The following POLR2B variants were observed in gnomAD, a reference collection of about 807,000 sequenced individuals.
The protein encoded by POLR2B is DNA-directed RNA polymerase II subunit RPB2.
POLR2B carries 57 observed loss-of-function variants against 144.6 expected under a neutral mutation model. The ratio of observed to expected loss-of-function variants is 0.39; its 90% CI spans 0.32 to 0.49. POLR2B has a LOEUF of 0.49. POLR2B is among the 20% of genes least tolerant of loss of function. The pLI is 0.83. For synonymous variants in POLR2B, 442 were observed against 469.8 expected (o/e 0.94, Z 0.77); for missense variants, 595 against 1,467.4 (o/e 0.41, Z 9.71).
At chr4:57,012,392 G>A (rs972147704) in intron 13 of POLR2B, among the ~76,000 whole-genome samples, 9 of 145,398 alleles carry the variant, frequency 6.2e-5, no homozygotes, top group African/African-American at 1.0e-4. Flanking sequence ...GTGACAGAGT[G>A]AGACTCTGTC....
chr4:57,025,808 C>T (rs906999112), intron 23 of POLR2B, among the ~76,000 whole-genome samples: 3 of 152,062 alleles, frequency 2.0e-5, no homozygotes, highest in Non-Finnish European at 4.4e-5. Flanking sequence ...GAACTGGGCA[C>T]AAGCAATCCT....
At position 56,980,382 on chromosome 4, in the gene POLR2B, C is replaced by T. The variant is rs184725449; in HGVS notation, c.19+1378C>T. ...AAGATTTTTAAAGCATAATTTTTGGCTGGGTAATATATTCTCATAGCTCAC... is the reference window on the plus strand; with the variant it reads ...AAGATTTTTAAAGCATAATTTTTGGTTGGGTAATATATTCTCATAGCTCAC... On this transcript the variant is annotated intron_variant, in intron 1 of 24. Coordinates refer to ENST00000314595, the MANE Select transcript of POLR2B (RefSeq NM_000938.3). 2.5e-3 allele frequency among the ~76,000 whole-genome samples: 379 copies of T among 152,084 alleles called. 1 individual carries two copies. Among genetic ancestry groups the T allele is most frequent in the African/African-American group, 8.8e-3 (364 of 41,472 alleles).
chr4:56,991,768 G>T (rs1722514066), intron 3 of POLR2B, among the ~76,000 whole-genome samples: 2 of 152,150 alleles, frequency 1.3e-5, no homozygotes, highest in South Asian at 4.1e-4. Context: ...TTTATTCTTG[G>T]GTCATTTTTT....
Position 57,024,135 on chromosome 4 carries a change from A to G in POLR2B, c.2964+23A>G, listed in dbSNP as rs376059459. 6 of 1,226,774 alleles carry G rather than the reference A, an allele frequency of 4.9e-6. No individual in the cohort carries two copies. The African/African-American group carries it at 7.5e-5, about 15-fold the overall frequency. The allele number at this position is 1,226,774 out of a possible 1,614,324, so 76.0% of individuals were successfully genotyped here. On this transcript the variant is annotated intron_variant, in intron 21 of 24. Coordinates refer to ENST00000314595, the MANE Select transcript of POLR2B (RefSeq NM_000938.3). The stretch of plus-strand genomic sequence containing the variant: ...AAGGTAAGAGATGTTCTTCAAAAAT[A>G]TAGATTCTAAGCTGATGCTTCTTCT...
intron 13 of POLR2B, 150 bp from the exon 14 acceptor site, chr4:57,015,352 G>C: frequency 2.5e-6 from 1 of 401,504 alleles, no homozygotes; most frequent in East Asian, 3.8e-5. Flanking sequence ...TTTTTAATAT[G>C]TTAAACAATG....
intron 1 of POLR2B, among the ~76,000 whole-genome samples, chr4:56,981,277 T>G (rs79641006): frequency 0.14 from 21,621 of 151,386 alleles, 1,855 homozygotes; most frequent in East Asian, 0.4. Context: ...CACCCCCAGT[T>G]ACTTAGTTTG....
At chr4:56,997,481 T>A (rs1463459526) in intron 6 of POLR2B, among the ~76,000 whole-genome samples, 4 of 152,240 alleles carry the variant, frequency 2.6e-5, no homozygotes, top group African/African-American at 9.6e-5. Flanking sequence ...GGTCTCGAAC[T>A]CCTGAGCTCA....
Position 57,024,001 on chromosome 4 carries a change from G to A in POLR2B, c.2857-4G>A, listed in dbSNP as rs1723632033. The A allele has an allele frequency of 6.5e-7, 1 of 1,534,762 alleles. No homozygotes were observed. The highest frequency in any genetic ancestry group is 2.3e-5 in the East Asian group (1 of 43,760). ...TGAGTCCCTTTTAAAATTTTTCTTT[G>A]TAGGATATGCCTTTCACCTGTGAAG... On this transcript the variant is annotated splice_polypyrimidine_tract_variant and splice_region_variant and intron_variant, in intron 20 of 24. Coordinates refer to ENST00000314595, the MANE Select transcript of POLR2B (RefSeq NM_000938.3).
intron 1 of POLR2B, among the ~76,000 whole-genome samples, chr4:56,983,947 C>A (rs1722238056): frequency 6.6e-6 from 1 of 151,862 alleles, no homozygotes; most frequent in Admixed American, 6.6e-5. Flanking sequence ...TCATTGCAAC[C>A]TCCACCTTCT....
Position 57,006,957 on chromosome 4 carries a change from G to A in POLR2B, c.1359G>A (p.Trp453Ter). 1 of 1,614,010 alleles carries A rather than the reference G, an allele frequency of 6.2e-7. No individual in the cohort carries two copies. The highest frequency in any genetic ancestry group is 1.7e-5 in the Admixed American group (1 of 60,022). ...AATACTCTTTAGCTACTGGAAACTGGGGTGATCAAAAGAAAGCTCATCAAG... is the reference window on the plus strand; with the variant it reads ...AATACTCTTTAGCTACTGGAAACTGAGGTGATCAAAAGAAAGCTCATCAAG... ...GLKYSLATGNWGDQKKAHQAR... is the reference protein window; with the variant it reads ...GLKYSLATGN The change falls in exon 10 of 25, where the codon TGG becomes TGA. Residue 453 changes from tryptophan to a stop codon, truncating the protein, a stop_gained. Transcript: ENST00000314595. LOFTEE classifies it high-confidence loss of function.
At chr4:56,990,188 C>T (rs559355776) in intron 2 of POLR2B, among the ~76,000 whole-genome samples, 21 of 152,018 alleles carry the variant, frequency 1.4e-4, no homozygotes, top group East Asian at 7.7e-4. Flanking sequence ...TCAAGAAGTA[C>T]TTCAAAGAGG....
intron 7 of POLR2B, chr4:57,002,556 A>G (rs1429754794): frequency 1.3e-5 from 2 of 152,032 alleles, no homozygotes; most frequent in Admixed American, 6.6e-5. Context: ...CATTTTTTTT[A>G]AACAACAGTG....
intron 1 of POLR2B, among the ~76,000 whole-genome samples, chr4:56,982,906 C>G (rs1279478255): frequency 2.0e-5 from 3 of 152,018 alleles, no homozygotes; most frequent in African/African-American, 7.2e-5. Context: ...TTTTTGACTC[C>G]TCTCTTTCAC....
rs145295284 is a variant in POLR2B, at chr4:57,014,443, C to T, written c.1801-1059C>T. Among the ~76,000 whole-genome samples, 106 of 152,060 alleles carry T rather than the reference C, an allele frequency of 7.0e-4. No individual in the cohort carries two copies. The South Asian group carries it at 0.013, about 18-fold the overall frequency. ...TCCTGACCTCAAGGTGATCTGCCCACCTTTGCCTCACAAAGTGTTGGGATT... is the reference window on the plus strand; with the variant it reads ...TCCTGACCTCAAGGTGATCTGCCCATCTTTGCCTCACAAAGTGTTGGGATT... On this transcript the variant is annotated intron_variant, in intron 13 of 24. Coordinates refer to ENST00000314595, the MANE Select transcript of POLR2B (RefSeq NM_000938.3).
rs1432945558 is a variant in POLR2B at position 57,011,117 on chromosome 4, A to G, written c.1800+17A>G. 1 of 1,489,334 alleles carries G rather than the reference A, an allele frequency of 6.7e-7. No individual in the cohort carries two copies. Among genetic ancestry groups the G allele is most frequent in the Admixed American group, 1.7e-5 (1 of 59,860 alleles). 92.3% of individuals were successfully genotyped at this position (1,489,334 alleles called of 1,614,324 possible). On this transcript the variant is annotated intron_variant, in intron 13 of 24. Coordinates refer to ENST00000314595, the MANE Select transcript of POLR2B (RefSeq NM_000938.3). The stretch of plus-strand genomic sequence containing the variant: ...GTGTCTGAAGTAAGAATCTTTAGTT[A>G]AGAGGGTGTGGACTGTGAGATTTTT...
chr4:57,019,749 C>T lies in POLR2B; in HGVS notation c.2324-1150C>T, dbSNP rs935418922. ...CTCAATTCAAATTTTGCCAGTTGTC[C>T]TAATGATGTCTTTTTTTTTTTTTTT... On this transcript the variant is annotated intron_variant, in intron 16 of 24. Transcript: ENST00000314595. Among the ~76,000 whole-genome samples, 12 of 135,796 alleles carry T rather than the reference C, an allele frequency of 8.8e-5. No homozygotes were observed. In the East Asian group the frequency reaches 2.2e-3, roughly 25 times the overall value. The allele number at this position is 135,796 out of a possible 152,430, so 89.1% of individuals were successfully genotyped here. A position where few individuals can be genotyped will look rare whatever the true frequency, so the allele number is the denominator to read the frequency against.
chr4:56,979,101 C>G, intron 1 of POLR2B, 97 bp downstream of exon 1: 1 of 1,266,412 alleles, frequency 7.9e-7, no homozygotes, highest in African/African-American at 1.5e-5. Context: ...TCCCATGCGC[C>G]GGCTGCACAG....
At chr4:56,984,544 C>T (rs1722259356) in intron 1 of POLR2B, among the ~76,000 whole-genome samples, 1 of 152,134 alleles carries the variant, frequency 6.6e-6, no homozygotes, top group Admixed American at 6.6e-5. Flanking sequence ...ATCATTACCT[C>T]TCCTTTTTCC....
chr4:57,007,936 T>A (rs1723072782), intron 10 of POLR2B, among the ~76,000 whole-genome samples: 1 of 152,214 alleles, frequency 6.6e-6, no homozygotes, highest in South Asian at 2.1e-4. Context: ...TTCAAGCTCC[T>A]TTTTCCTAGA....
Sources: gnomAD v4.1 joint callset for allele counts (sites outside exome capture counted in the v4.1 genomes callset) on GRCh38, gnomAD v4.1.1 for gene constraint, MANE v1.5 for transcripts, NCBI Gene and HGNC (gene_info 2026-07-23, HGNC 2026-07-21) for gene names.